The following ARHGAP4 variants were observed in gnomAD, a reference collection of about 807,000 sequenced individuals.
ARHGAP4 encodes Rho GTPase activating protein 4, also known as rho GTPase-activating protein 4.
ARHGAP4 carries 25 observed loss-of-function variants against 67.6 expected under a neutral mutation model. That is an observed-to-expected ratio of 0.37 (90% CI 0.27 to 0.52). The LOEUF is 0.52. ARHGAP4 is among the 20% of genes least tolerant of loss of function. ARHGAP4 has a pLI of 0.92. For synonymous variants in ARHGAP4, 448 were observed against 373.7 expected (o/e 1.20, Z -2.29); for missense variants, 804 against 854.6 (o/e 0.94, Z 0.74).
Position 153,910,027 on chromosome X carries a change from G to C in ARHGAP4, c.2215C>G (p.Pro739Ala), listed in dbSNP as rs782620691. 9 of 1,211,338 alleles carry C rather than the reference G, an allele frequency of 7.4e-6. No individual in the cohort carries two copies. The Admixed American group carries it at 2.0e-4, about 26-fold the overall frequency. ...DNEPELEAEM[P>A]AQEDDLEGVV... Reference sequence around the variant, plus strand: ...TCGCCCTCACCATCCTCCTGTGCGGGCATCTCGGCTTCCAGCTCCGGCTCA... The same window carrying C: ...TCGCCCTCACCATCCTCCTGTGCGGCCATCTCGGCTTCCAGCTCCGGCTCA... Residue 739 changes from proline to alanine, a missense_variant, in exon 18 of 22, where the codon CCC (proline) becomes GCC (alanine). Transcript: ENST00000350060.
Position 153,910,228 on chromosome X carries a change from G to A in ARHGAP4, c.2099C>T (p.Ser700Leu), listed in dbSNP as rs782007190. ...QPDRVFPPLT[S>L]LPGPVYEKCM... is the part of the protein sequence containing the mutation. ...CTTCTCGTAGACGGGGCCAGGCAGC[G>A]AGGTCAGGGGCGGGAAGACCCGATC... The change falls in exon 17 of 22, where the codon TCG becomes TTG. Residue 700 changes from serine to leucine, a missense_variant. Physicochemically the swap from Ser to Leu is moderately radical, Grantham distance 145. Coordinates refer to ENST00000350060, the MANE Select transcript of ARHGAP4 (RefSeq NM_001666.5). The A allele has an allele frequency of 2.2e-5, 27 of 1,209,810 alleles. No homozygotes were observed. The highest frequency in any genetic ancestry group is 8.9e-5 in the East Asian group (3 of 33,752).
At chrX:153,922,164 G>A (rs1018293111) in intron 1 of ARHGAP4, 1 of 897,778 alleles carries the variant, frequency 1.1e-6, no homozygotes, top group Non-Finnish European at 1.4e-6. Context: ...TTCCTGGAAA[G>A]CCTCTGAATG....
intron 7 of ARHGAP4, among the ~76,000 whole-genome samples, chrX:153,916,714 A>G (rs1557104298): frequency 1.8e-5 from 2 of 113,339 alleles, no homozygotes; most frequent in African/African-American, 6.4e-5. Flanking sequence ...TCTGGAAAGG[A>G]TATAGCAGGG....
rs1557103232 is a variant in ARHGAP4, at chrX:153,911,230, G to A, written c.1543-41C>T. On this transcript the variant is annotated intron_variant, in intron 12 of 21. Coordinates refer to ENST00000350060, the MANE Select transcript of ARHGAP4 (RefSeq NM_001666.5). ...GTTTACTTCACCATGGACACAGCAT[G>A]CCCTGTGTTGTCATTCAATTGCTTT... 3 of 855,730 alleles carry A rather than the reference G, an allele frequency of 3.5e-6. No homozygotes were observed. The South Asian group carries it at 7.7e-5, about 22-fold the overall frequency. The allele number at this position is 855,730 out of a possible 1,213,427, so 70.5% of individuals were successfully genotyped here. A position where few individuals can be genotyped will look rare whatever the true frequency, so the allele number is the denominator to read the frequency against.
intron 1 of ARHGAP4, among the ~76,000 whole-genome samples, chrX:153,924,540 G>C (rs1373553904): frequency 9.0e-6 from 1 of 111,577 alleles, no homozygotes; most frequent in African/African-American, 3.3e-5. Context: ...CAAAGTCTAT[G>C]TCTCCCCCAC....
chrX:153,912,075 CTTCTT>C (rs2065025141), intron 12 of ARHGAP4, among the ~76,000 whole-genome samples: 2 of 107,775 alleles, frequency 1.9e-5, no homozygotes, highest in African/African-American at 3.4e-5. Context: ...TGCTTGCTTG[CTTCTT>C]TTCTTTTCTT....
rs1557102558 is a variant in ARHGAP4 at position 153,910,075 on chromosome X, G to C, written c.2167C>G (p.Leu723Val). The C allele has an allele frequency of 9.1e-6, 11 of 1,210,073 alleles. No individual in the cohort carries two copies. ...PSASCLGDAQ[L>V]ESLGADNEPE... ...TCATTGTCCGCCCCCAGGCTCTCCA[G>C]CTGGGCGTCCCTGAGGTTCAGGGCA... Residue 723 changes from leucine (L) to valine (V), a missense_variant, in exon 18 of 22, where the codon CTG becomes GTG. Coordinates refer to ENST00000350060, the MANE Select transcript of ARHGAP4 (RefSeq NM_001666.5).
chrX:153,921,583 C>T (rs1557105353), intron 2 of ARHGAP4, 22 bp downstream of exon 2: 1 of 1,205,298 alleles, frequency 8.3e-7, no homozygotes, highest in African/African-American at 1.7e-5. Context: ...TGCCGTGGCC[C>T]CCCTGCCAGC....
Position 153,919,028 on chromosome X carries a change from G to A in ARHGAP4, c.836C>T (p.Ala279Val). The change falls in exon 7 of 22, where the codon GCC (alanine) becomes GTC (valine). Residue 279 changes from alanine to valine, a missense_variant. Ala to Val is a moderately conservative substitution (Grantham distance 64). This residue lies in a region of ARHGAP4 where 404 missense variants were observed against 505.9 expected (regional missense o/e 0.80). Transcript: ENST00000350060. ...MDCCDTGFHLALGQVLRSYTA... is the reference protein window; with the variant it reads ...MDCCDTGFHLVLGQVLRSYTA... ...GTAGCTCCGGAGCACCTGCCCCAGG[G>A]CCAGGTGGAACCCTGTGTCACAGCA... 1 of 1,211,621 alleles carries A rather than the reference G, an allele frequency of 8.3e-7. No individual in the cohort carries two copies. The highest frequency in any genetic ancestry group is 1.8e-5 in the South Asian group (1 of 56,975).
chrX:153,921,210 A>G, intron 3 of ARHGAP4, 51 bp from the exon 4 acceptor site: 1 of 1,179,705 alleles, frequency 8.5e-7, no homozygotes, highest in Non-Finnish European at 1.1e-6. Context: ...CGGCCCCGCC[A>G]GGCACTGGAA....
chrX:153,907,388 C>T lies in ARHGAP4; in HGVS notation c.*341G>A. On this transcript the variant is annotated 3_prime_UTR_variant, in exon 22 of 22. Coordinates refer to ENST00000350060, the MANE Select transcript of ARHGAP4 (RefSeq NM_001666.5). ...GAGCTGGCTCCCATCGGGGAATCAA[C>T]ACGAGGTCTTTATGAATCGCCACCC... 3.5e-6 allele frequency: 1 copy of T among 287,663 alleles called. No individual in the cohort carries two copies. Among genetic ancestry groups the T allele is most frequent in the Non-Finnish European group, 6.3e-6 (1 of 158,186 alleles). 23.7% of individuals were successfully genotyped at this position (287,663 alleles called of 1,213,427 possible).
intron 5 of ARHGAP4, chrX:153,919,777 C>T (rs1557104877): frequency 1.1e-6 from 1 of 881,854 alleles, no homozygotes; most frequent in Admixed American, 5.1e-5. Context: ...AAAACTGGCA[C>T]TCTATTTTTT....
intron 12 of ARHGAP4, among the ~76,000 whole-genome samples, 161 bp from the exon 13 acceptor site, chrX:153,911,350 T>C (rs1319702614): frequency 2.9e-5 from 3 of 104,396 alleles, no homozygotes; most frequent in African/African-American, 1.1e-4. Context: ...CTCAGCTTCC[T>C]GGGCTCAAGT....
At chrX:153,916,486 A>G (rs782694202) in intron 7 of ARHGAP4, among the ~76,000 whole-genome samples, 165 of 113,159 alleles carry the variant, frequency 1.5e-3, no homozygotes, top group Non-Finnish European at 2.7e-3. Context: ...GGTAGTTCCA[A>G]GGAAATCCAC....
intron 11 of ARHGAP4, 54 bp downstream of exon 11, chrX:153,912,970 G>T: frequency 8.6e-7 from 1 of 1,168,556 alleles, no homozygotes; most frequent in South Asian, 1.9e-5. Flanking sequence ...TGGGCCCCAG[G>T]AAGAGAAGAG....
chrX:153,921,246 G>T, intron 3 of ARHGAP4, 87 bp from the exon 4 acceptor site: 2 of 1,177,941 alleles, frequency 1.7e-6, no homozygotes, highest in Non-Finnish European at 1.1e-6. Context: ...AGCCCCATCG[G>T]GGGGGCACAC....
chrX:153,919,011 G>A lies in ARHGAP4; in HGVS notation c.853C>T (p.Arg285Trp), dbSNP rs1557104674. ...GFHLALGQVL[R>W]SYTAAESRTQ... ...CGGCTCTCAGCGGCCGTGTAGCTCC[G>A]GAGCACCTGCCCCAGGGCCAGGTGG... The change falls in exon 7 of 22, where the codon CGG (arginine) becomes TGG (tryptophan). Residue 285 changes from arginine to tryptophan, a missense_variant. Transcript: ENST00000350060. The A allele has an allele frequency of 5.0e-6, 6 of 1,211,627 alleles. No individual in the cohort carries two copies. Among genetic ancestry groups the A allele is most frequent in the East Asian group, 5.9e-5 (2 of 33,821 alleles).
chrX:153,909,960 G>A (rs374676468), intron 18 of ARHGAP4, 36 bp from the exon 19 acceptor site: 1 of 1,208,620 alleles, frequency 8.3e-7, no homozygotes, highest in South Asian at 1.8e-5. Flanking sequence ...GTGGGAGGGG[G>A]TGTGGACACT....
Position 153,909,816 on chromosome X carries a change from G to A in ARHGAP4, c.2339C>T (p.Ser780Leu). 11 of 1,203,298 alleles carry A rather than the reference G, an allele frequency of 9.1e-6. No individual in the cohort carries two copies. Among genetic ancestry groups the A allele is most frequent in the Non-Finnish European group, 1.2e-5 (11 of 891,980 alleles). The change falls in exon 19 of 22, where the codon TCG becomes TTG. Residue 780 changes from serine (S) to leucine (L), a missense_variant. Coordinates refer to ENST00000350060, the MANE Select transcript of ARHGAP4 (RefSeq NM_001666.5). ...GTGCTCCCCCCGCCACCAGTCGCTC[G>A]AGGCCCTCTCGTGCAGCCGCAGTAC... ...GDVLRLHERA[S>L]SDWWRGEHNG...
Sources: gnomAD v4.1 joint callset for allele counts (sites outside exome capture counted in the v4.1 genomes callset) on GRCh38, gnomAD v4.1.1 for gene constraint, gnomAD v4.1.1 regional missense constraint, MANE v1.5 for transcripts, NCBI Gene and HGNC (gene_info 2026-07-23, HGNC 2026-07-21) for gene names.